GUCY1A1: variants seen among roughly 807,000 people sequenced by gnomAD.
GUCY1A1 encodes the protein guanylate cyclase soluble subunit alpha-1.
GUCY1A1 carries 48 observed loss-of-function variants against 64.5 expected under a neutral mutation model. That is an observed-to-expected ratio of 0.74 (90% CI 0.59 to 0.95). The LOEUF is 0.95. Ranked by LOEUF, GUCY1A1 falls within the 40% of genes least tolerant of loss-of-function variation. GUCY1A1 has a pLI of 0.00. For missense variants in GUCY1A1, 804 were observed against 825.3 expected (o/e 0.97, Z 0.32); for synonymous variants, 308 against 303.4 (o/e 1.02, Z -0.16).
intron 7 of GUCY1A1, 123 bp from the exon 8 acceptor site, chr4:155,717,036 C>T (rs144799002): frequency 2.9e-4 from 196 of 664,922 alleles, no homozygotes; most frequent in Non-Finnish European, 4.0e-4. Flanking sequence ...TCTGATTAAC[C>T]CTGATCCTCC....
chr4:155,717,918 A>G (rs1356338450), intron 8 of GUCY1A1, among the ~76,000 whole-genome samples: 1 of 152,198 alleles, frequency 6.6e-6, no homozygotes, highest in East Asian at 1.9e-4. Context: ...TAGAAGCTGC[A>G]AGTTAGTTTA....
At chr4:155,670,055 T>G (rs932473405) in intron 2 of GUCY1A1, among the ~76,000 whole-genome samples, 1 of 152,144 alleles carries the variant, frequency 6.6e-6, no homozygotes, top group African/African-American at 2.4e-5. Context: ...GTATGTGCAT[T>G]AATGGGAAAA....
Position 155,696,764 on chromosome 4 carries a change from G to C in GUCY1A1, c.-104G>C. ...CTTTTTGCTGTCCATAGACATCCCA[G>C]TTACCAGTGTCCTTGAATTGATAGT... is the stretch of plus-strand genomic sequence containing the variant. On this transcript the variant is annotated 5_prime_UTR_variant, in exon 3 of 10. Coordinates refer to ENST00000506455, the MANE Select transcript of GUCY1A1 (RefSeq NM_001130682.3). The C allele has an allele frequency of 9.6e-7, 1 of 1,046,300 alleles. No individual in the cohort carries two copies. The highest frequency in any genetic ancestry group is 2.4e-5 in the East Asian group (1 of 41,414). 64.8% of individuals were successfully genotyped at this position (1,046,300 alleles called of 1,614,324 possible).
At chr4:155,677,966 T>A (rs565744335) in intron 2 of GUCY1A1, among the ~76,000 whole-genome samples, 1 of 152,022 alleles carries the variant, frequency 6.6e-6, no homozygotes, top group Non-Finnish European at 1.5e-5. Flanking sequence ...GAATTACTTC[T>A]TATGTTTACA....
At chr4:155,723,425 T>G (rs936301075) in intron 9 of GUCY1A1, among the ~76,000 whole-genome samples, 1 of 152,142 alleles carries the variant, frequency 6.6e-6, no homozygotes, top group Admixed American at 6.6e-5. Context: ...TGTTATCACT[T>G]ATCCACCTTT....
At chr4:155,716,407 T>A (rs929403377) in intron 7 of GUCY1A1, among the ~76,000 whole-genome samples, 6 of 152,134 alleles carry the variant, frequency 3.9e-5, no homozygotes, top group Non-Finnish European at 7.4e-5. Flanking sequence ...TGGACTAAAA[T>A]TAACTATCTG....
chr4:155,690,056 A>C (rs1287308580), intron 2 of GUCY1A1, among the ~76,000 whole-genome samples: 1 of 152,216 alleles, frequency 6.6e-6, no homozygotes, highest in Non-Finnish European at 1.5e-5. Flanking sequence ...TGCTTCCCAA[A>C]ATGAGATTTT....
intron 9 of GUCY1A1, among the ~76,000 whole-genome samples, chr4:155,723,941 C>T (rs1205822772): frequency 1.3e-5 from 2 of 152,084 alleles, no homozygotes; most frequent in Non-Finnish European, 2.9e-5. Flanking sequence ...GGATTACAGG[C>T]GTGAGCCAAT....
Position 155,731,072 on chromosome 4 carries a change from C to G in GUCY1A1, c.*841C>G, listed in dbSNP as rs544300086. On this transcript the variant is annotated 3_prime_UTR_variant, in exon 10 of 10. Coordinates refer to ENST00000506455, the MANE Select transcript of GUCY1A1 (RefSeq NM_001130682.3). ...TAAAATGCAGTAATACTATTCAAAT[C>G]TAATTTAGCTGGAAGCAACATGGGA... The G allele has an allele frequency of 6.5e-6, 1 of 153,080 alleles. No individual in the cohort carries two copies. Among genetic ancestry groups the G allele is most frequent in the Non-Finnish European group, 1.5e-5 (1 of 67,810 alleles). 9.5% of individuals were successfully genotyped at this position (153,080 alleles called of 1,614,324 possible).
In GUCY1A1 at chr4:155,710,630, T is replaced by C. The variant is rs1732432767; in HGVS notation, c.465T>C (p.Val155=). The change falls in exon 6 of 10, where the codon GTT becomes GTC. Residue 155 remains valine, a synonymous_variant. Coordinates refer to ENST00000506455, the MANE Select transcript of GUCY1A1 (RefSeq NM_001130682.3). ...YEEDENILGV[V]GGTLKDFLNS... ...AAGATGAAAACATCCTTGGGGTGGT[T>C]GGAGGCACCCTTAAAGATTTTTTAA... 1 of 1,613,698 alleles carries C rather than the reference T, an allele frequency of 6.2e-7. No individual in the cohort carries two copies. Among genetic ancestry groups the C allele is most frequent in the African/African-American group, 1.3e-5 (1 of 75,030 alleles).
chr4:155,731,370 A>G lies in GUCY1A1; in HGVS notation c.*1139A>G, dbSNP rs957885568. On this transcript the variant is annotated 3_prime_UTR_variant, in exon 10 of 10. Transcript: ENST00000506455. ...GAACTAAGAATCAAGTTTTTGTCTC[A>G]TTAAATATACATATATGAAGTGTTT... 1.3e-5 allele frequency: 2 copies of G among 151,850 alleles called. No homozygotes were observed. Among genetic ancestry groups the G allele is most frequent in the Non-Finnish European group, 2.9e-5 (2 of 67,840 alleles). 9.4% of individuals were successfully genotyped at this position (151,850 alleles called of 1,614,324 possible).
At chr4:155,671,149 T>G (rs1734095037) in intron 2 of GUCY1A1, among the ~76,000 whole-genome samples, 1 of 152,180 alleles carries the variant, frequency 6.6e-6, no homozygotes, top group Non-Finnish European at 1.5e-5. Flanking sequence ...GTTTATGCTT[T>G]GATGCTACCA....
In GUCY1A1 at chr4:155,732,454, C is replaced by T. The variant is rs954489583; in HGVS notation, c.*2223C>T. ...TGGATCTTCAAAGAGGATGAACATACATTTCCATGACAGAGTCCATACGAA... is the reference window on the plus strand; with the variant it reads ...TGGATCTTCAAAGAGGATGAACATATATTTCCATGACAGAGTCCATACGAA... On this transcript the variant is annotated 3_prime_UTR_variant, in exon 10 of 10. Transcript: ENST00000506455. The T allele has an allele frequency of 1.5e-4, 23 of 153,452 alleles. No homozygotes were observed. The highest frequency in any genetic ancestry group is 4.6e-4 in the African/African-American group (19 of 41,418). 9.5% of individuals were successfully genotyped at this position (153,452 alleles called of 1,614,324 possible).
At chr4:155,686,335 G>T (rs1304652041) in intron 2 of GUCY1A1, among the ~76,000 whole-genome samples, 1 of 152,044 alleles carries the variant, frequency 6.6e-6, no homozygotes, top group Non-Finnish European at 1.5e-5. Flanking sequence ...AAAAAAATTA[G>T]CCGGGCGTGG....
Position 155,710,125 on chromosome 4 carries a change from C to T in GUCY1A1, c.377-417C>T, listed in dbSNP as rs553552552. On this transcript the variant is annotated intron_variant, in intron 5 of 9. Transcript: ENST00000506455. ...ATGCCAGTAATTTTAAATTAACTTC[C>T]GTGTCTGACCCTTTTGCTGCTGGAA... 3.0e-4 allele frequency among the ~76,000 whole-genome samples: 46 copies of T among 152,246 alleles called. 1 individual carries two copies. The highest frequency in any genetic ancestry group is 2.7e-3 in the South Asian group (13 of 4,822).
intron 2 of GUCY1A1, among the ~76,000 whole-genome samples, chr4:155,695,163 C>T (rs1461876291): frequency 2.0e-5 from 3 of 152,212 alleles, no homozygotes; most frequent in Non-Finnish European, 4.4e-5. Context: ...CATCCATAAT[C>T]TTCCTCTATA....
At position 155,703,981 on chromosome 4, in the gene GUCY1A1, T is replaced by C. The variant is rs770057719; in HGVS notation, c.305T>C (p.Ile102Thr). 16 of 1,604,882 alleles carry C rather than the reference T, an allele frequency of 1.0e-5. No individual in the cohort carries two copies. In the South Asian group the frequency reaches 1.8e-4, roughly 18 times the overall value. Residue 102 changes from isoleucine (I) to threonine (T), a missense_variant, in exon 4 of 10, where the codon ATA becomes ACA. Transcript: ENST00000506455. ...ALQRTLAKHK[I>T]KESRKSLERE... ...CAGAGAACATTGGCAAAGCACAAAA[T>C]AAAAGAAAGCAGGTAAGTCAAACCA... is the stretch of plus-strand genomic sequence containing the variant.
intron 2 of GUCY1A1, among the ~76,000 whole-genome samples, chr4:155,694,984 C>A (rs1258327581): frequency 6.6e-6 from 1 of 152,192 alleles, no homozygotes. Context: ...CTTCAGTAGT[C>A]TATTGAGGTA....
intron 2 of GUCY1A1, among the ~76,000 whole-genome samples, chr4:155,694,671 T>C (rs1730197598): frequency 6.6e-6 from 1 of 152,166 alleles, no homozygotes; most frequent in African/African-American, 2.4e-5. Flanking sequence ...CACACTGCAA[T>C]GGTAGGGTTG....
Sources: allele counts gnomAD v4.1 joint callset (sites outside exome capture counted in the v4.1 genomes callset), GRCh38; gene constraint gnomAD v4.1.1; transcripts MANE v1.5; gene names NCBI Gene and HGNC (gene_info 2026-07-23, HGNC 2026-07-21).